The following CDH12 variants were observed in gnomAD, a reference collection of about 807,000 sequenced individuals.
CDH12 encodes cadherin 12.
Under a neutral mutation model 74.1 loss-of-function variants are expected in CDH12, and 41 were observed. The observed-to-expected ratio is 0.55, with a 90% CI of 0.43 to 0.72. The LOEUF is 0.72. Among genes scored for constraint, CDH12 ranks in the 30% least tolerant of loss-of-function variants. CDH12 has a pLI of 0.00. For missense variants in CDH12, 945 were observed against 977.2 expected (o/e 0.97, Z 0.44); for synonymous variants, 399 against 355.0 (o/e 1.12, Z -1.39).
At chr5:22,508,703 T>C (rs1304648612) in intron 1 of CDH12, among the ~76,000 whole-genome samples, 1 of 152,100 alleles carries the variant, frequency 6.6e-6, no homozygotes, top group Admixed American at 6.5e-5. Context: ...ACTCAACTAA[T>C]AGTCAACCAG....
intron 1 of CDH12, among the ~76,000 whole-genome samples, chr5:22,594,380 C>T (rs1487919501): frequency 6.6e-6 from 1 of 152,118 alleles, no homozygotes; most frequent in Non-Finnish European, 1.5e-5. Context: ...AAGTGGAGCC[C>T]ATATCCTATT....
At chr5:22,810,237 A>T (rs1214755010) in intron 1 of CDH12, among the ~76,000 whole-genome samples, 1 of 152,292 alleles carries the variant, frequency 6.6e-6, no homozygotes, top group East Asian at 1.9e-4. Context: ...TCATTTTAGT[A>T]TTTTATTCAA....
intron 3 of CDH12, among the ~76,000 whole-genome samples, chr5:22,295,888 G>A (rs1049545227): frequency 6.6e-6 from 1 of 151,984 alleles, no homozygotes; most frequent in South Asian, 2.1e-4. Context: ...TTGGAAATAA[G>A]AGAAACATTA....
chr5:21,853,529 T>C (rs904308000), intron 7 of CDH12, among the ~76,000 whole-genome samples: 1 of 151,594 alleles, frequency 6.6e-6, no homozygotes, highest in Non-Finnish European at 1.5e-5. Flanking sequence ...GAATGGCAGG[T>C]TCAGTTGACA....
intron 1 of CDH12, among the ~76,000 whole-genome samples, chr5:22,643,550 G>A (rs1279405317): frequency 6.6e-6 from 1 of 151,880 alleles, no homozygotes; most frequent in African/African-American, 2.4e-5. Context: ...GCAATATCAC[G>A]CCTACAACTT....
At position 21,751,261 on chromosome 5, in the gene CDH12, T is replaced by C. The variant is rs1357943187; in HGVS notation, c.*476A>G. The C allele has an allele frequency of 8.6e-5, 2 of 23,300 alleles. No individual in the cohort carries two copies. The highest frequency in any genetic ancestry group is 6.6e-4 in the East Asian group (1 of 1,520). The allele number at this position is 23,300 out of a possible 1,614,324, so 1.4% of individuals were successfully genotyped here. A position where few individuals can be genotyped will look rare whatever the true frequency, so the allele number is the denominator to read the frequency against. ...CTTCTTGACATAAAGACGGTGTCTT[T>C]GTTTTATGTCTTTATCTCTGAATCC... On this transcript the variant is annotated 3_prime_UTR_variant, in exon 15 of 15. Transcript: ENST00000382254.
At chr5:22,775,454 T>A (rs989620578) in intron 1 of CDH12, among the ~76,000 whole-genome samples, 1 of 152,058 alleles carries the variant, frequency 6.6e-6, no homozygotes, top group Admixed American at 6.6e-5. Flanking sequence ...AAACTAAAAT[T>A]TATCTTTTAA....
At chr5:22,139,988 A>G (rs1347627465) in intron 4 of CDH12, among the ~76,000 whole-genome samples, 1 of 152,076 alleles carries the variant, frequency 6.6e-6, no homozygotes, top group Non-Finnish European at 1.5e-5. Flanking sequence ...TCTTGATGAA[A>G]CAAATGGAAG....
chr5:22,638,285 C>T (rs1177434047), intron 1 of CDH12, among the ~76,000 whole-genome samples: 1 of 152,178 alleles, frequency 6.6e-6, no homozygotes, highest in Non-Finnish European at 1.5e-5. Context: ...ATCCCAAAAC[C>T]TCAAAAGTAG....
At chr5:22,151,262 G>A (rs1747563115) in intron 4 of CDH12, among the ~76,000 whole-genome samples, 1 of 152,046 alleles carries the variant, frequency 6.6e-6, no homozygotes, top group Admixed American at 6.6e-5. Flanking sequence ...ACACTTTATT[G>A]CCTTTAAACT....
intron 1 of CDH12, among the ~76,000 whole-genome samples, chr5:22,820,581 T>C (rs1293634675): frequency 6.6e-6 from 1 of 152,104 alleles, no homozygotes; most frequent in Non-Finnish European, 1.5e-5. Context: ...AAATACAAAC[T>C]ACCATCAGAG....
chr5:22,354,734 A>G (rs937597924), intron 3 of CDH12, among the ~76,000 whole-genome samples: 1 of 152,212 alleles, frequency 6.6e-6, no homozygotes, highest in African/African-American at 2.4e-5. Context: ...TTTAAGAGGT[A>G]AAAAGAAAGA....
intron 5 of CDH12, among the ~76,000 whole-genome samples, chr5:22,025,473 A>C (rs1455490961): frequency 6.6e-6 from 1 of 152,192 alleles, no homozygotes; most frequent in Non-Finnish European, 1.5e-5. Flanking sequence ...AATTCCTAAA[A>C]AAATGCTAAT....
intron 6 of CDH12, among the ~76,000 whole-genome samples, chr5:21,970,229 G>A (rs1756777387): frequency 6.6e-6 from 1 of 152,094 alleles, no homozygotes. Context: ...CTTTATGTGT[G>A]GAAAATAAAT....
intron 6 of CDH12, 77 bp downstream of exon 6, chr5:21,975,014 T>C (rs1442333781): frequency 4.9e-6 from 4 of 821,472 alleles, no homozygotes; most frequent in Non-Finnish European, 7.7e-6. Context: ...ATAGATAAGA[T>C]GTTTACATCA....
intron 10 of CDH12, among the ~76,000 whole-genome samples, chr5:21,798,948 G>A (rs1273792601): frequency 6.6e-6 from 1 of 152,090 alleles, no homozygotes; most frequent in Admixed American, 6.6e-5. Flanking sequence ...ACTGAGTAAG[G>A]GGTACAGGCT....
chr5:22,821,349 A>G (rs1749690773), intron 1 of CDH12, among the ~76,000 whole-genome samples: 1 of 151,982 alleles, frequency 6.6e-6, no homozygotes, highest in Admixed American at 6.6e-5. Flanking sequence ...CTCTCTCACC[A>G]CTCCTATTCA....
chr5:22,041,575 G>T (rs1739576476), intron 5 of CDH12, among the ~76,000 whole-genome samples: 1 of 151,918 alleles, frequency 6.6e-6, no homozygotes, highest in African/African-American at 2.4e-5. Flanking sequence ...AAGAGACAAA[G>T]AAGAACTTTA....
At chr5:22,179,634 G>A (rs1019117458) in intron 4 of CDH12, among the ~76,000 whole-genome samples, 8 of 152,144 alleles carry the variant, frequency 5.3e-5, no homozygotes, top group African/African-American at 1.7e-4. Context: ...CTGTGGGTCA[G>A]AATATGTTTT....
Sources: gnomAD v4.1 joint callset for allele counts (sites outside exome capture counted in the v4.1 genomes callset) on GRCh38, gnomAD v4.1.1 for gene constraint, MANE v1.5 for transcripts, NCBI Gene and HGNC (gene_info 2026-07-23, HGNC 2026-07-21) for gene names.